The following VWA5A variants were observed in gnomAD, a reference collection of about 807,000 sequenced individuals.
The protein encoded by VWA5A is von Willebrand factor A domain-containing protein 5A.
Under a neutral mutation model 84.6 loss-of-function variants are expected in VWA5A, and 77 were observed. The observed-to-expected ratio is 0.91, with a 90% CI of 0.76 to 1.10. The LOEUF (loss-of-function observed/expected upper bound fraction) is 1.10, where lower values mean the gene tolerates loss of function less well. VWA5A is among the 50% of genes least tolerant of loss of function. VWA5A has a pLI of 0.00. For synonymous variants in VWA5A, 334 were observed against 350.1 expected (o/e 0.95, Z 0.51); for missense variants, 973 against 963.0 (o/e 1.01, Z -0.14).
intron 7 of VWA5A, 49 bp downstream of exon 7, chr11:124,119,138 T>C (rs1287091146): frequency 6.6e-7 from 1 of 1,510,718 alleles, no homozygotes; most frequent in South Asian, 1.2e-5. Context: ...CAACTCCCTG[T>C]CTTGGAATTA....
At chr11:124,136,363 G>T in intron 13 of VWA5A, 70 bp downstream of exon 13, 1 of 1,561,492 alleles carries the variant, frequency 6.4e-7, no homozygotes. Context: ...AAAGCTGGTA[G>T]GTGGATTTCA....
chr11:124,138,869 T>C, intron 15 of VWA5A, among the ~76,000 whole-genome samples: 1 of 152,328 alleles, frequency 6.6e-6, no homozygotes, highest in Non-Finnish European at 1.5e-5. Flanking sequence ...GTCATAGATA[T>C]TTTCCCTTAT....
rs777131332 is a variant in VWA5A at position 124,147,458 on chromosome 11, G to A, written c.*1513G>A. The A allele has an allele frequency of 2.6e-5, 4 of 152,192 alleles. No homozygotes were observed. Among genetic ancestry groups the A allele is most frequent in the African/African-American group, 4.8e-5 (2 of 41,442 alleles). 9.4% of individuals were successfully genotyped at this position (152,192 alleles called of 1,614,324 possible). A position where few individuals can be genotyped will look rare whatever the true frequency, so the allele number is the denominator to read the frequency against. ...GACTAGGCCTGAGTTTCTTTAAGTT[G>A]TTGAGTTACCTGGTATTAGGAAGAC... On this transcript the variant is annotated 3_prime_UTR_variant, in exon 19 of 19. Transcript: ENST00000456829.
At chr11:124,125,526 G>T (rs768690640) in intron 11 of VWA5A, among the ~76,000 whole-genome samples, 6 of 152,068 alleles carry the variant, frequency 3.9e-5, no homozygotes, top group Non-Finnish European at 8.8e-5. Flanking sequence ...CTCTTGATCT[G>T]CCCGCCTTGG....
At chr11:124,117,900 C>T (rs779191663) in intron 4 of VWA5A, 25 bp downstream of exon 4, 1 of 1,611,792 alleles carries the variant, frequency 6.2e-7, no homozygotes, top group South Asian at 1.1e-5. Context: ...CTCCTCCCTT[C>T]TTATTACATT....
intron 7 of VWA5A, 72 bp from the exon 8 acceptor site, chr11:124,122,888 A>T: frequency 6.9e-7 from 1 of 1,446,228 alleles, no homozygotes; most frequent in Admixed American, 2.1e-5. Context: ...TGAATTCACT[A>T]CCATTGATTC....
chr11:124,122,877 T>C lies in VWA5A; in HGVS notation c.761-83T>C, dbSNP rs997562265. The C allele has an allele frequency of 3.6e-6, 5 of 1,390,352 alleles. No homozygotes were observed. The African/African-American group carries it at 5.8e-5, about 16-fold the overall frequency. The allele number at this position is 1,390,352 out of a possible 1,614,324, so 86.1% of individuals were successfully genotyped here. ...AGATTTGAGTTTTCCTAGCTCTTAA[T>C]TGAATTCACTACCATTGATTCTTAG... On this transcript the variant is annotated intron_variant, in intron 7 of 18. Coordinates refer to ENST00000456829, the MANE Select transcript of VWA5A (RefSeq NM_001130142.2).
At position 124,146,138 on chromosome 11, in the gene VWA5A, C is replaced by T; in HGVS notation, c.*193C>T. 1.8e-6 allele frequency: 1 copy of T among 543,374 alleles called. No individual in the cohort carries two copies. Among genetic ancestry groups the T allele is most frequent in the South Asian group, 2.2e-5 (1 of 44,906 alleles). 33.7% of individuals were successfully genotyped at this position (543,374 alleles called of 1,614,324 possible). A position where few individuals can be genotyped will look rare whatever the true frequency, so the allele number is the denominator to read the frequency against. On this transcript the variant is annotated 3_prime_UTR_variant, in exon 19 of 19. Transcript: ENST00000456829. Reference sequence around the variant, plus strand: ...ATGATCTTTCTTTTCCCAACATATGCCCTCAGAAAAGTGACAGTGGTCCCA... The same window carrying T: ...ATGATCTTTCTTTTCCCAACATATGTCCTCAGAAAAGTGACAGTGGTCCCA...
chr11:124,136,354 A>AAGCTGGTAGGTGGT lies in VWA5A; in HGVS notation c.1524+74_1524+75insTAGCTGGTAGGTGG. 6.4e-6 allele frequency: 10 copies of AAGCTGGTAGGTGGT among 1,571,246 alleles called. No homozygotes were observed. In the South Asian group the frequency reaches 1.2e-4, roughly 18 times the overall value. ...GAGCTACCACATGACCATTCCACTA[A>AAGCTGGTAGGTGGT]AGCTGGTAGGTGGATTTCAATCTCA... On this transcript the variant is annotated intron_variant, in intron 13 of 18. Coordinates refer to ENST00000456829, the MANE Select transcript of VWA5A (RefSeq NM_001130142.2).
rs1217036727 is a variant in VWA5A, at chr11:124,145,510, A to G, written c.2281+147A>G. ...TGCTAGTTCTTTTCTTGGGAGGACA[A>G]GGGTGAAATATTAAATTGGGGACAA... On this transcript the variant is annotated intron_variant, in intron 18 of 18. Transcript: ENST00000456829. The G allele has an allele frequency of 4.8e-6, 6 of 1,254,130 alleles. No homozygotes were observed. In the East Asian group the frequency reaches 1.3e-4, roughly 28 times the overall value. 77.7% of individuals were successfully genotyped at this position (1,254,130 alleles called of 1,614,324 possible). A position where few individuals can be genotyped will look rare whatever the true frequency, so the allele number is the denominator to read the frequency against.
chr11:124,144,448 G>A (rs1297648841), intron 17 of VWA5A, among the ~76,000 whole-genome samples: 1 of 152,160 alleles, frequency 6.6e-6, no homozygotes. Context: ...TCATTACGCT[G>A]TTTGTTTTTA....
rs1361664472 is a variant in VWA5A at position 124,117,815 on chromosome 11, C to T, written c.186C>T (p.Tyr62=). The change falls in exon 4 of 19, where the codon TAC becomes TAT. Residue 62 remains tyrosine, a synonymous_variant. Coordinates refer to ENST00000456829, the MANE Select transcript of VWA5A (RefSeq NM_001130142.2). The stretch of plus-strand genomic sequence containing the variant: ...CCATGGATGAAGACTCTGCTGTTTA[C>T]AGCTTTGAGGCCTTGGTGGATGGGA... ...VFPMDEDSAV[Y]SFEALVDGKK... 1 of 1,614,068 alleles carries T rather than the reference C, an allele frequency of 6.2e-7. No individual in the cohort carries two copies. The highest frequency in any genetic ancestry group is 2.2e-5 in the East Asian group (1 of 44,888).
Position 124,123,134 on chromosome 11 carries a change from A to G in VWA5A, c.930+5A>G, listed in dbSNP as rs746185097. 1.9e-5 allele frequency: 30 copies of G among 1,608,928 alleles called. No homozygotes were observed. In the South Asian group the frequency reaches 3.1e-4, roughly 17 times the overall value. The stretch of plus-strand genomic sequence containing the variant: ...CTGCGAATACAGGCAGCCAAGGTAA[A>G]GCTAGTTTCTTTCCTCTTCTGGGTC... On this transcript the variant is annotated splice_donor_5th_base_variant and intron_variant, in intron 8 of 18. Coordinates refer to ENST00000456829, the MANE Select transcript of VWA5A (RefSeq NM_001130142.2).
In VWA5A at chr11:124,117,648, A is replaced by T. The variant is rs778658833; in HGVS notation, c.44-25A>T. On this transcript the variant is annotated intron_variant, in intron 3 of 18. Transcript: ENST00000456829. ...GGAGGCAATCTATTGAAGCTTGATG[A>T]ACTTGAACTCTGGTCTATCTCCAGT... is the stretch of plus-strand genomic sequence containing the variant. 1.9e-6 allele frequency: 3 copies of T among 1,614,172 alleles called. No homozygotes were observed. In the South Asian group the frequency reaches 3.3e-5, roughly 18 times the overall value.
chr11:124,123,438 T>A lies in VWA5A; in HGVS notation c.1003T>A (p.Tyr335Asn), dbSNP rs1394440761. Residue 335 changes from tyrosine to asparagine, a missense_variant, in exon 9 of 19, where the codon TAT becomes AAT. Physicochemically the swap from Tyr to Asn is moderately radical, Grantham distance 143. Transcript: ENST00000456829. ...CAACATCTATGGATTTGGCTCTTCC[T>A]ATGAGGCATGCTTTCCGTAAGTTTC... is the stretch of plus-strand genomic sequence containing the variant. Reference protein sequence around the residue: ...YFNIYGFGSSYEACFPESVKY... With the variant: ...YFNIYGFGSSNEACFPESVKY... 2 of 1,613,930 alleles carry A rather than the reference T, an allele frequency of 1.2e-6. No homozygotes were observed. Among genetic ancestry groups the A allele is most frequent in the Non-Finnish European group, 1.7e-6 (2 of 1,180,014 alleles).
intron 11 of VWA5A, among the ~76,000 whole-genome samples, chr11:124,127,184 A>G (rs1456887538): frequency 2.7e-5 from 4 of 149,450 alleles, no homozygotes; most frequent in African/African-American, 9.9e-5. Flanking sequence ...ACCCCCTGAC[A>G]GGCCCCAGTG....
At chr11:124,127,323 G>A (rs913142393) in intron 11 of VWA5A, among the ~76,000 whole-genome samples, 10 of 152,168 alleles carry the variant, frequency 6.6e-5, no homozygotes, top group South Asian at 2.1e-4. Flanking sequence ...AACTTCATCC[G>A]TGTCCCTGCA....
At chr11:124,129,365 G>A (rs979188069) in intron 11 of VWA5A, among the ~76,000 whole-genome samples, 12 of 152,084 alleles carry the variant, frequency 7.9e-5, no homozygotes, top group Non-Finnish European at 1.5e-4. Context: ...TTGATGTGCC[G>A]CTGGATTCGG....
intron 11 of VWA5A, among the ~76,000 whole-genome samples, chr11:124,127,036 TTTTA>T (rs1865028133): frequency 6.6e-6 from 1 of 152,176 alleles, no homozygotes; most frequent in African/African-American, 2.4e-5. Context: ...ATTATGTTCT[TTTTA>T]TTAAGTTCTG....
Sources: allele counts gnomAD v4.1 joint callset (sites outside exome capture counted in the v4.1 genomes callset), GRCh38; gene constraint gnomAD v4.1.1; transcripts MANE v1.5; gene names NCBI Gene and HGNC (gene_info 2026-07-23, HGNC 2026-07-21).